The following RNF2 variants were observed in gnomAD, a reference collection of about 807,000 sequenced individuals.
The protein encoded by RNF2 is E3 ubiquitin-protein ligase RING2.
In RNF2, 6 loss-of-function variants were observed where a neutral mutation model predicts 37.2. That is an observed-to-expected ratio of 0.16 (90% CI 0.09 to 0.32). The LOEUF (loss-of-function observed/expected upper bound fraction) is 0.32, where lower values mean the gene tolerates loss of function less well. Among genes scored for constraint, RNF2 ranks in the 10% least tolerant of loss-of-function variants. RNF2 has a pLI of 1.00. For missense variants in RNF2, 251 were observed against 404.0 expected (o/e 0.62, Z 3.25); for synonymous variants, 133 against 132.7 (o/e 1.00, Z -0.02).
chr1:185,060,384 C>T (rs924137124), intron 1 of RNF2, among the ~76,000 whole-genome samples: 1 of 152,108 alleles, frequency 6.6e-6, no homozygotes, highest in Non-Finnish European at 1.5e-5. Flanking sequence ...ATACTGCCAC[C>T]ACATAAGTAT....
chr1:185,064,274 A>G (rs1383457423), intron 1 of RNF2, among the ~76,000 whole-genome samples: 1 of 152,200 alleles, frequency 6.6e-6, no homozygotes, highest in African/African-American at 2.4e-5. Context: ...TGTAGGTTGG[A>G]TAGGATAGGA....
chr1:185,087,766 G>A (rs967748517), intron 2 of RNF2, 126 bp downstream of exon 2: 3 of 697,610 alleles, frequency 4.3e-6, no homozygotes, highest in South Asian at 1.8e-5. Context: ...CCTGACTTCT[G>A]TATGTTGGCT....
chr1:185,091,136 T>C (rs1019158076), intron 2 of RNF2, among the ~76,000 whole-genome samples: 5 of 152,192 alleles, frequency 3.3e-5, no homozygotes, highest in African/African-American at 1.2e-4. Context: ...ATTGTGAAAA[T>C]GGTGTAACTT....
chr1:185,066,365 G>A (rs572575068), intron 1 of RNF2, among the ~76,000 whole-genome samples: 1 of 152,266 alleles, frequency 6.6e-6, no homozygotes, highest in African/African-American at 2.4e-5. Flanking sequence ...GCCATGCTGA[G>A]TGTACCTTTC....
chr1:185,074,112 T>G (rs1376395791), intron 1 of RNF2, among the ~76,000 whole-genome samples: 1 of 152,196 alleles, frequency 6.6e-6, no homozygotes, highest in African/African-American at 2.4e-5. Context: ...TAAAGGACAT[T>G]ATAAAAGATA....
Position 185,099,959 on chromosome 1 carries a change from C to A in RNF2, c.906C>A (p.Phe302Leu). The A allele has an allele frequency of 6.2e-7, 1 of 1,605,006 alleles. No homozygotes were observed. The highest frequency in any genetic ancestry group is 8.5e-7 in the Non-Finnish European group (1 of 1,173,226). The change falls in exon 6 of 7, where the codon TTC becomes TTA. Residue 302 changes from phenylalanine (F) to leucine (L), a missense_variant. Transcript: ENST00000367510. ...TIYIATASGQ[F>L]TVLNGSFSLE... The stretch of plus-strand genomic sequence containing the variant: ...ATATAGCAACAGCCAGTGGCCAGTT[C>A]ACTGTGAGTATTTAAAATAATAGAC...
At chr1:185,093,845 C>T (rs1015494858) in intron 4 of RNF2, among the ~76,000 whole-genome samples, 2 of 152,076 alleles carry the variant, frequency 1.3e-5, no homozygotes, top group Non-Finnish European at 2.9e-5. Flanking sequence ...ATGGCGTGTC[C>T]CAGAGACCAG....
chr1:185,082,857 T>G (rs1167739761), intron 1 of RNF2, among the ~76,000 whole-genome samples: 2 of 152,170 alleles, frequency 1.3e-5, no homozygotes, highest in Non-Finnish European at 2.9e-5. Flanking sequence ...AAGTAACAAG[T>G]CGTTAGCAAA....
At chr1:185,083,948 A>G (rs1345204658) in intron 1 of RNF2, among the ~76,000 whole-genome samples, 1 of 141,834 alleles carries the variant, frequency 7.1e-6, no homozygotes, top group Non-Finnish European at 1.5e-5. Flanking sequence ...TTAAAAAAAA[A>G]AAAAAAAATT....
intron 1 of RNF2, among the ~76,000 whole-genome samples, chr1:185,065,024 C>T (rs1230893644): frequency 6.6e-6 from 1 of 152,134 alleles, no homozygotes; most frequent in Non-Finnish European, 1.5e-5. Context: ...AGAGATGAAG[C>T]CAGCTGGACT....
At chr1:185,069,557 C>G (rs1228116612) in intron 1 of RNF2, among the ~76,000 whole-genome samples, 1 of 151,824 alleles carries the variant, frequency 6.6e-6, no homozygotes, top group Non-Finnish European at 1.5e-5. Flanking sequence ...ATGCTAGGGT[C>G]TCACTTGAGA....
At chr1:185,060,652 T>G (rs1355576364) in intron 1 of RNF2, among the ~76,000 whole-genome samples, 1 of 152,214 alleles carries the variant, frequency 6.6e-6, no homozygotes, top group East Asian at 1.9e-4. Flanking sequence ...AGTTGACTAA[T>G]GGGTCACTAG....
At chr1:185,071,752 A>T (rs1318109170) in intron 1 of RNF2, 1 of 155,054 alleles carries the variant, frequency 6.4e-6, no homozygotes, top group South Asian at 2.0e-4. Flanking sequence ...TGGCCAGTTC[A>T]TGCATTTTCA....
In RNF2 at chr1:185,048,936, G is replaced by C. The variant is rs144143831; in HGVS notation, c.-3+3287G>C. 2.2e-4 allele frequency among the ~76,000 whole-genome samples: 33 copies of C among 152,250 alleles called. No homozygotes were observed. The East Asian group carries it at 4.2e-3, about 20-fold the overall frequency. ...CCTTGCATTTGGGGCGGGGATGGGG[G>C]AGGTGCCTTGGGAGGGGAGTGCCTT... On this transcript the variant is annotated intron_variant, in intron 1 of 6. Coordinates refer to ENST00000367510, the MANE Select transcript of RNF2 (RefSeq NM_007212.4).
Position 185,100,829 on chromosome 1 carries a change from A to G in RNF2, c.*528A>G, listed in dbSNP as rs1469630888. Reference sequence around the variant, plus strand: ...CAATTCTCATAGGATTATTCTTTTCATGGTATTTTCTTCCATAATATCTCA... The same window carrying G: ...CAATTCTCATAGGATTATTCTTTTCGTGGTATTTTCTTCCATAATATCTCA... On this transcript the variant is annotated 3_prime_UTR_variant, in exon 7 of 7. Coordinates refer to ENST00000367510, the MANE Select transcript of RNF2 (RefSeq NM_007212.4). 2 of 152,300 alleles carry G rather than the reference A, an allele frequency of 1.3e-5. No individual in the cohort carries two copies. Among genetic ancestry groups the G allele is most frequent in the Non-Finnish European group, 2.9e-5 (2 of 67,932 alleles). 9.4% of individuals were successfully genotyped at this position (152,300 alleles called of 1,614,324 possible).
At chr1:185,049,071 C>A (rs1003450746) in intron 1 of RNF2, among the ~76,000 whole-genome samples, 1 of 152,056 alleles carries the variant, frequency 6.6e-6, no homozygotes, top group Non-Finnish European at 1.5e-5. Context: ...ACTAAAAATA[C>A]AAAAATTAGC....
chr1:185,060,767 A>G (rs887797284), intron 1 of RNF2, among the ~76,000 whole-genome samples: 11 of 152,224 alleles, frequency 7.2e-5, no homozygotes, highest in African/African-American at 2.7e-4. Context: ...GATGAGAACC[A>G]GGAGGAATGA....
intron 1 of RNF2, among the ~76,000 whole-genome samples, chr1:185,076,099 A>G (rs1422004468): frequency 6.6e-6 from 1 of 151,124 alleles, no homozygotes; most frequent in African/African-American, 2.4e-5. Context: ...TGTTGCACAT[A>G]TTTTTTTCCT....
intron 1 of RNF2, among the ~76,000 whole-genome samples, chr1:185,085,736 C>T (rs2102192490): frequency 6.6e-6 from 1 of 152,184 alleles, no homozygotes. Context: ...TCACTGCAAC[C>T]TCTGCCTCCC....
Sources: gnomAD v4.1 joint callset for allele counts (sites outside exome capture counted in the v4.1 genomes callset) on GRCh38, gnomAD v4.1.1 for gene constraint, MANE v1.5 for transcripts, NCBI Gene and HGNC (gene_info 2026-07-23, HGNC 2026-07-21) for gene names.